The following CAMK1D variants were observed in gnomAD, a reference collection of about 807,000 sequenced individuals.
CAMK1D encodes calcium/calmodulin-dependent protein kinase type 1D.
Under a neutral mutation model 47.7 loss-of-function variants are expected in CAMK1D, and 9 were observed. That is an observed-to-expected ratio of 0.19 (90% CI 0.11 to 0.33). The LOEUF (loss-of-function observed/expected upper bound fraction) is 0.33. Among genes scored for constraint, CAMK1D ranks in the 10% least tolerant of loss-of-function variants. The probability of loss-of-function intolerance (pLI) is 1.00; values close to 1 mark genes in which losing one functional copy is unlikely to be tolerated. For missense variants in CAMK1D, 291 were observed against 488.7 expected, an observed-to-expected ratio of 0.60 and a Z score of 3.81; for synonymous variants, 184 against 184.9, an observed-to-expected ratio of 0.99 and a Z score of 0.04.
chr10:12,369,790 C>T (rs952980460), intron 1 of CAMK1D, among the ~76,000 whole-genome samples: 1 of 151,870 alleles, frequency 6.6e-6, no homozygotes, highest in African/African-American at 2.4e-5. Context: ...GAAACCCCGT[C>T]TCTACAAATA....
chr10:12,694,558 A>G (rs942664200), intron 3 of CAMK1D, among the ~76,000 whole-genome samples: 2 of 80,194 alleles, frequency 2.5e-5, no homozygotes, highest in African/African-American at 9.7e-5. Context: ...TATTATATAT[A>G]AAATATATAA....
At chr10:12,388,558 T>G (rs1175729519) in intron 1 of CAMK1D, among the ~76,000 whole-genome samples, 18 of 152,220 alleles carry the variant, frequency 1.2e-4, no homozygotes, top group Admixed American at 1.2e-3. Flanking sequence ...GTGTTTTGTC[T>G]TCTCTGTTGG....
At chr10:12,553,135 T>A (rs1836641868) in intron 1 of CAMK1D, 90 bp from the exon 2 acceptor site, 2 of 1,595,742 alleles carry the variant, frequency 1.3e-6, no homozygotes, top group Non-Finnish European at 1.7e-6. Context: ...GTCGTTATTG[T>A]TTACTCAAAC....
intron 3 of CAMK1D, among the ~76,000 whole-genome samples, chr10:12,668,948 T>C (rs571080028): frequency 1.6e-4 from 25 of 152,178 alleles, no homozygotes; most frequent in East Asian, 1.4e-3. Flanking sequence ...CAAAACCTCA[T>C]TGGCCCGGCA....
chr10:12,419,769 C>T (rs548746550), intron 1 of CAMK1D, among the ~76,000 whole-genome samples: 32 of 152,146 alleles, frequency 2.1e-4, no homozygotes, highest in African/African-American at 7.7e-4. Flanking sequence ...GTTGGGTTTT[C>T]TCGTTAGGTT....
intron 1 of CAMK1D, among the ~76,000 whole-genome samples, chr10:12,435,240 A>AAAG (rs1395798784): frequency 1.3e-5 from 2 of 151,276 alleles, no homozygotes; most frequent in Non-Finnish European, 1.5e-5. Flanking sequence ...AAAAAAAAAA[A>AAAG]AAAAAAGAAA....
At chr10:12,664,336 A>G (rs1277951230) in intron 2 of CAMK1D, among the ~76,000 whole-genome samples, 3 of 152,158 alleles carry the variant, frequency 2.0e-5, no homozygotes, top group Non-Finnish European at 4.4e-5. Flanking sequence ...TGAAACTGCT[A>G]TTTGGGATTG....
chr10:12,553,750 A>G (rs1258498257), intron 2 of CAMK1D, among the ~76,000 whole-genome samples: 2 of 152,194 alleles, frequency 1.3e-5, no homozygotes, highest in African/African-American at 4.8e-5. Context: ...GTTTTTGTGA[A>G]GTGCTCACTG....
chr10:12,440,204 A>G (rs529575868), intron 1 of CAMK1D, among the ~76,000 whole-genome samples: 106 of 152,280 alleles, frequency 7.0e-4, no homozygotes, highest in Non-Finnish European at 1.3e-3. Context: ...AACTCTTCAT[A>G]AAAGTCTTAC....
At chr10:12,654,681 T>C (rs973925932) in intron 2 of CAMK1D, among the ~76,000 whole-genome samples, 5 of 152,320 alleles carry the variant, frequency 3.3e-5, no homozygotes, top group Admixed American at 2.0e-4. Context: ...CATGTAGCCT[T>C]AAATCTTTAT....
chr10:12,738,615 G>A (rs1334990771), intron 3 of CAMK1D, among the ~76,000 whole-genome samples: 7 of 151,982 alleles, frequency 4.6e-5, no homozygotes, highest in Non-Finnish European at 1.0e-4. Flanking sequence ...GGCGTATCAC[G>A]AGGTCAGGAG....
At chr10:12,689,724 C>T (rs1481606715) in intron 3 of CAMK1D, among the ~76,000 whole-genome samples, 3 of 151,002 alleles carry the variant, frequency 2.0e-5, no homozygotes, top group Non-Finnish European at 4.4e-5. Flanking sequence ...TGCGTTGAGC[C>T]GAGATCATAC....
intron 3 of CAMK1D, among the ~76,000 whole-genome samples, chr10:12,734,485 CATAT>C (rs1835081914): frequency 7.3e-6 from 1 of 136,232 alleles, no homozygotes; most frequent in Admixed American, 7.5e-5. Context: ...TATATATACA[CATAT>C]GTATATATAT....
chr10:12,716,816 C>T (rs1057452953), intron 3 of CAMK1D, among the ~76,000 whole-genome samples: 2 of 152,098 alleles, frequency 1.3e-5, no homozygotes, highest in Non-Finnish European at 2.9e-5. Flanking sequence ...CACTGCAATT[C>T]GTGATGGGAG....
chr10:12,630,237 A>C (rs1041155316), intron 2 of CAMK1D, among the ~76,000 whole-genome samples: 3 of 152,056 alleles, frequency 2.0e-5, no homozygotes, highest in African/African-American at 7.2e-5. Context: ...TCTTCTCCCT[A>C]GTGAGCGCAT....
intron 2 of CAMK1D, among the ~76,000 whole-genome samples, chr10:12,652,069 C>A (rs1233758701): frequency 6.6e-6 from 1 of 151,982 alleles, no homozygotes; most frequent in African/African-American, 2.4e-5. Context: ...GTGACCACCG[C>A]GCCCGGCCGG....
At chr10:12,426,578 C>CT (rs1403872966) in intron 1 of CAMK1D, among the ~76,000 whole-genome samples, 11 of 151,916 alleles carry the variant, frequency 7.2e-5, no homozygotes, top group Non-Finnish European at 1.5e-4. Context: ...GGATCTTACT[C>CT]TGTCACCCAG....
intron 1 of CAMK1D, among the ~76,000 whole-genome samples, chr10:12,485,850 G>A (rs1004489519): frequency 2.0e-5 from 3 of 152,126 alleles, no homozygotes; most frequent in African/African-American, 4.8e-5. Context: ...GTGAGTATGC[G>A]TCTGTCTCTT....
At chr10:12,747,005 G>GT (rs373542268) in intron 3 of CAMK1D, among the ~76,000 whole-genome samples, 2,085 of 149,042 alleles carry the variant, frequency 0.014, 31 homozygotes, top group African/African-American at 0.041. Flanking sequence ...AGAAAGAGTT[G>GT]TTTTTTTTTT....
Sources: gnomAD v4.1 joint callset for allele counts (sites outside exome capture counted in the v4.1 genomes callset) on GRCh38, gnomAD v4.1.1 for gene constraint, MANE v1.5 for transcripts, NCBI Gene and HGNC (gene_info 2026-07-23, HGNC 2026-07-21) for gene names.